The following DDX60L variants were observed in gnomAD, a reference collection of about 807,000 sequenced individuals.
The protein encoded by DDX60L is DExD/H-box 60 like.
DDX60L carries 191 observed loss-of-function variants against 211.6 expected under a neutral mutation model. The ratio of observed to expected loss-of-function variants is 0.90; its 90% CI spans 0.80 to 1.02. The LOEUF (loss-of-function observed/expected upper bound fraction) is 1.02. Among genes scored for constraint, DDX60L ranks in the 50% least tolerant of loss-of-function variants. The pLI is 0.00. For synonymous variants in DDX60L, 706 were observed against 694.1 expected (o/e 1.02, Z -0.27); for missense variants, 2,007 against 1,984.1 (o/e 1.01, Z -0.22).
chr4:168,368,412 C>A (rs1381198725), intron 36 of DDX60L, among the ~76,000 whole-genome samples: 1 of 152,230 alleles, frequency 6.6e-6, no homozygotes, highest in African/African-American at 2.4e-5. Flanking sequence ...GGAACCCCTG[C>A]CTAGATTTCA....
Position 168,390,448 on chromosome 4 carries a change from T to A in DDX60L, c.3915+1092A>T, listed in dbSNP as rs1290637395. 3.0e-6 allele frequency: 4 copies of A among 1,349,396 alleles called. No individual in the cohort carries two copies. The East Asian group carries it at 1.2e-4, about 39-fold the overall frequency. The allele number at this position is 1,349,396 out of a possible 1,614,324, so 83.6% of individuals were successfully genotyped here. A position where few individuals can be genotyped will look rare whatever the true frequency, so the allele number is the denominator to read the frequency against. Reference sequence around the variant, plus strand: ...TTTTAAAGTTGAAACAGCAACATCCTAAAAGGTCATGAAATGGAGATAAAC... The same window carrying A: ...TTTTAAAGTTGAAACAGCAACATCCAAAAAGGTCATGAAATGGAGATAAAC... On this transcript the variant is annotated intron_variant, in intron 29 of 37. Transcript: ENST00000682922.
rs776089947 is a variant in DDX60L, at chr4:168,369,401, C to T, written c.4928+2211G>A. ...TTGCGGAACTGTAGGTCAAATAAAC[C>T]CCTTTCTTTTTAAATTGCCCAGTCT... On this transcript the variant is annotated intron_variant, in intron 36 of 37. Transcript: ENST00000682922. 5.9e-5 allele frequency among the ~76,000 whole-genome samples: 9 copies of T among 151,752 alleles called. No individual in the cohort carries two copies. In the South Asian group the frequency reaches 1.7e-3, roughly 28 times the overall value.
chr4:168,469,911 A>G (rs1256533838), intron 4 of DDX60L: 3 of 152,214 alleles, frequency 2.0e-5, no homozygotes, highest in African/African-American at 7.2e-5. Flanking sequence ...CTGGGAAAAT[A>G]TATTTGCAAT....
At chr4:168,443,680 C>T (rs368600223) in intron 9 of DDX60L, among the ~76,000 whole-genome samples, 35 of 150,262 alleles carry the variant, frequency 2.3e-4, no homozygotes, top group East Asian at 3.9e-4. Flanking sequence ...GCGGATCTCT[C>T]GGCAGAAACC....
At chr4:168,377,290 TCAAATAAA>T (rs1742125860) in intron 33 of DDX60L, among the ~76,000 whole-genome samples, 1 of 130,744 alleles carries the variant, frequency 7.6e-6, no homozygotes, top group South Asian at 2.6e-4. Flanking sequence ...AGACTCTGTC[TCAAATAAA>T]TAAATAAATA....
At chr4:168,459,372 C>G (rs750986783) in intron 5 of DDX60L, among the ~76,000 whole-genome samples, 2 of 151,712 alleles carry the variant, frequency 1.3e-5, no homozygotes, top group African/African-American at 4.8e-5. Flanking sequence ...AATCAAGACC[C>G]TAGTATTGCA....
intron 9 of DDX60L, among the ~76,000 whole-genome samples, chr4:168,442,189 G>A (rs1283255279): frequency 2.0e-5 from 3 of 152,158 alleles, no homozygotes; most frequent in Non-Finnish European, 4.4e-5. Flanking sequence ...TGCCTCACTT[G>A]GGAAGCGCAA....
chr4:168,466,506 T>C (rs1254996568), intron 4 of DDX60L, among the ~76,000 whole-genome samples: 1 of 152,230 alleles, frequency 6.6e-6, no homozygotes, highest in Non-Finnish European at 1.5e-5. Flanking sequence ...GATACAACAA[T>C]GACAAATTAC....
chr4:168,399,882 T>C (rs13136529), intron 26 of DDX60L, among the ~76,000 whole-genome samples: 120,392 of 152,134 alleles, frequency 0.79, 48,903 homozygotes, highest in Middle Eastern at 0.9. Context: ...TTAAGTTCAA[T>C]GGTACATGTG....
intron 1 of DDX60L, among the ~76,000 whole-genome samples, chr4:168,479,435 T>C (rs1760087065): frequency 6.6e-6 from 1 of 152,194 alleles, no homozygotes; most frequent in Non-Finnish European, 1.5e-5. Flanking sequence ...GGTTTGGACT[T>C]CTTATTGTGT....
chr4:168,406,108 C>T, intron 23 of DDX60L, 30 bp from the exon 24 acceptor site: 1 of 1,578,116 alleles, frequency 6.3e-7, no homozygotes, highest in Non-Finnish European at 8.6e-7. Context: ...CAAAATTAAG[C>T]TAAGCTATGC....
Position 168,433,037 on chromosome 4 carries a change from A to T in DDX60L, c.1373T>A (p.Met458Lys). ...SAVIDEFVGD[M>K]MKDLPILKSD... ...CTTTAGAATAGGCAAATCCTTCATC[A>T]TATCTCCAACAAACTCATCAATTAC... The change falls in exon 11 of 38, where the codon ATG (methionine) becomes AAG (lysine). Residue 458 changes from methionine to lysine, a missense_variant. Transcript: ENST00000682922. The T allele has an allele frequency of 6.2e-7, 1 of 1,609,156 alleles. No homozygotes were observed. The highest frequency in any genetic ancestry group is 8.5e-7 in the Non-Finnish European group (1 of 1,177,430).
At chr4:168,440,863 A>G (rs1753726203) in intron 10 of DDX60L, among the ~76,000 whole-genome samples, 1 of 152,192 alleles carries the variant, frequency 6.6e-6, no homozygotes, top group Non-Finnish European at 1.5e-5. Flanking sequence ...AGTTCACAGC[A>G]ATAACTTTTA....
intron 26 of DDX60L, among the ~76,000 whole-genome samples, chr4:168,396,358 C>T (rs920904999): frequency 1.3e-4 from 20 of 152,032 alleles, no homozygotes; most frequent in African/African-American, 4.3e-4. Context: ...ATAATTTCTC[C>T]TCCTTCACAC....
chr4:168,447,563 C>T (rs1010174893), intron 9 of DDX60L, among the ~76,000 whole-genome samples: 9 of 152,024 alleles, frequency 5.9e-5, no homozygotes, highest in Non-Finnish European at 1.2e-4. Context: ...AATCATGCTG[C>T]TATAAAGACA....
At position 168,474,353 on chromosome 4, in the gene DDX60L, T is replaced by G. The variant is rs555935486; in HGVS notation, c.-110-1544A>C. Among the ~76,000 whole-genome samples the G allele has an allele frequency of 2.0e-5, 3 of 152,024 alleles. No individual in the cohort carries two copies. The East Asian group carries it at 5.8e-4, about 29-fold the overall frequency. On this transcript the variant is annotated intron_variant, in intron 1 of 37. Coordinates refer to ENST00000682922, the MANE Select transcript of DDX60L (RefSeq NM_001012967.3). ...GTTTTTAAAATTTATAGTATGAATATAAAAGTAAGGATCGTCAGATATAAC... is the reference window on the plus strand; with the variant it reads ...GTTTTTAAAATTTATAGTATGAATAGAAAAGTAAGGATCGTCAGATATAAC...
At chr4:168,424,354 G>T (rs1439774188) in intron 14 of DDX60L, among the ~76,000 whole-genome samples, 1 of 152,064 alleles carries the variant, frequency 6.6e-6, no homozygotes, top group Non-Finnish European at 1.5e-5. Context: ...TTCACTTATA[G>T]CCTCTTTATC....
At chr4:168,407,190 G>A (rs1388641109) in intron 22 of DDX60L, among the ~76,000 whole-genome samples, 1 of 152,142 alleles carries the variant, frequency 6.6e-6, no homozygotes, top group African/African-American at 2.4e-5. Context: ...TGCCCCTAGA[G>A]ATCCAATACA....
rs530722776 is a variant in DDX60L, at chr4:168,449,364, A to G, written c.997-585T>C. Among the ~76,000 whole-genome samples the G allele has an allele frequency of 1.1e-4, 16 of 147,318 alleles. No individual in the cohort carries two copies. In the South Asian group the frequency reaches 3.3e-3, roughly 30 times the overall value. ...ATCATTCTCAGTAAACTATCGCAAG[A>G]TCAAAAAACCAAACACCGCATATTC... On this transcript the variant is annotated intron_variant, in intron 8 of 37. Coordinates refer to ENST00000682922, the MANE Select transcript of DDX60L (RefSeq NM_001012967.3).
Sources: gnomAD v4.1 joint callset for allele counts (sites outside exome capture counted in the v4.1 genomes callset) on GRCh38, gnomAD v4.1.1 for gene constraint, MANE v1.5 for transcripts, NCBI Gene and HGNC (gene_info 2026-07-23, HGNC 2026-07-21) for gene names.